Variants in PDE4D observed in about 807,000 individuals in gnomAD.
The protein encoded by PDE4D is 3',5'-cyclic-AMP phosphodiesterase 4D.
In PDE4D, 24 loss-of-function variants were observed where a neutral mutation model predicts 87.4. The observed-to-expected ratio is 0.27, with a 90% CI of 0.20 to 0.39. The LOEUF (loss-of-function observed/expected upper bound fraction) is 0.39, where lower values mean the gene tolerates loss of function less well. PDE4D is among the 10% of genes least tolerant of loss of function. PDE4D has a pLI of 1.00. For missense variants in PDE4D, 714 were observed against 1,041.0 expected, an observed-to-expected ratio of 0.69 and a Z score of 4.32; for synonymous variants, 384 against 383.2, an observed-to-expected ratio of 1.00 and a Z score of -0.02.
intron 1 of PDE4D, chr5:59,558,431 A>T (rs528912683): frequency 6.6e-6 from 1 of 152,260 alleles, no homozygotes; most frequent in Non-Finnish European, 1.5e-5. Flanking sequence ...GTAAAAGCAT[A>T]TCATTCTCTT....
intron 1 of PDE4D, among the ~76,000 whole-genome samples, chr5:59,247,105 T>C (rs899953848): frequency 2.0e-5 from 3 of 152,184 alleles, no homozygotes; most frequent in Non-Finnish European, 2.9e-5. Context: ...GTTGATCTCA[T>C]TTTATCTCAA....
At chr5:59,390,098 T>C (rs916503301) in intron 1 of PDE4D, among the ~76,000 whole-genome samples, 1 of 152,104 alleles carries the variant, frequency 6.6e-6, no homozygotes, top group African/African-American at 2.4e-5. Context: ...AAATATCACA[T>C]GTACCTCCTA....
intron 1 of PDE4D, among the ~76,000 whole-genome samples, chr5:60,203,190 C>T (rs1313897436): frequency 2.0e-5 from 3 of 152,110 alleles, no homozygotes; most frequent in Admixed American, 6.5e-5. Flanking sequence ...AGGCTGGTCT[C>T]GAACTCCTGA....
chr5:60,120,313 A>G (rs1012614933), intron 2 of PDE4D, among the ~76,000 whole-genome samples: 3 of 152,148 alleles, frequency 2.0e-5, no homozygotes, highest in Non-Finnish European at 4.4e-5. Context: ...TCCAGATAGG[A>G]GTTAGTTGCT....
chr5:59,650,097 A>G (rs965345264), intron 1 of PDE4D, among the ~76,000 whole-genome samples: 1 of 151,584 alleles, frequency 6.6e-6, no homozygotes, highest in Non-Finnish European at 1.5e-5. Context: ...AAATACAGGC[A>G]GGCTAATATT....
At chr5:59,699,288 C>A (rs935788536) in intron 1 of PDE4D, among the ~76,000 whole-genome samples, 2 of 152,060 alleles carry the variant, frequency 1.3e-5, no homozygotes, top group Non-Finnish European at 2.9e-5. Context: ...ATTTAACATA[C>A]TCAATGTGGC....
chr5:60,055,527 C>T (rs149057025), intron 2 of PDE4D, among the ~76,000 whole-genome samples: 12 of 152,172 alleles, frequency 7.9e-5, no homozygotes, highest in Middle Eastern at 3.4e-3. Flanking sequence ...ACTAAGCCTT[C>T]TACACAAAAT....
At chr5:59,872,581 T>C (rs1230431392) in intron 1 of PDE4D, among the ~76,000 whole-genome samples, 8 of 152,212 alleles carry the variant, frequency 5.3e-5, no homozygotes, top group Non-Finnish European at 1.0e-4. Context: ...TGCATAGTAA[T>C]GGTTCAATTG....
chr5:60,417,869 C>T (rs991339263), intron 1 of PDE4D, among the ~76,000 whole-genome samples: 2 of 150,692 alleles, frequency 1.3e-5, no homozygotes, highest in Non-Finnish European at 2.9e-5. Context: ...TTTAAATGGT[C>T]AGGGTTTAAA....
chr5:60,327,639 G>A (rs1756923053), intron 1 of PDE4D, among the ~76,000 whole-genome samples: 1 of 152,094 alleles, frequency 6.6e-6, no homozygotes, highest in Non-Finnish European at 1.5e-5. Context: ...GTGTATGTGC[G>A]AGCCAAAACA....
At chr5:58,996,581 A>G (rs1033696215) in intron 6 of PDE4D, among the ~76,000 whole-genome samples, 2 of 152,198 alleles carry the variant, frequency 1.3e-5, no homozygotes, top group African/African-American at 4.8e-5. Flanking sequence ...TCAATAAAGC[A>G]AAACAAGGGA....
chr5:59,236,847 A>G (rs1374175906), intron 1 of PDE4D, among the ~76,000 whole-genome samples: 1 of 152,116 alleles, frequency 6.6e-6, no homozygotes, highest in East Asian at 1.9e-4. Context: ...GGAAGAAGGA[A>G]TGAAGGAAGA....
intron 1 of PDE4D, among the ~76,000 whole-genome samples, chr5:59,449,011 T>C (rs1355000642): frequency 6.6e-6 from 1 of 152,178 alleles, no homozygotes; most frequent in African/African-American, 2.4e-5. Flanking sequence ...CATCCACATG[T>C]TGTCTTCTGA....
intron 2 of PDE4D, among the ~76,000 whole-genome samples, chr5:60,172,828 G>A (rs534111140): frequency 3.3e-5 from 5 of 152,080 alleles, no homozygotes; most frequent in South Asian, 4.2e-4. Context: ...AAGTACTGCC[G>A]CTCCCCAAAC....
rs373443025 is a variant in PDE4D, at chr5:60,300,767, CT to C, written c.-89-115081del. Among the ~76,000 whole-genome samples the C allele has an allele frequency of 1.2e-3, 182 of 145,678 alleles. 2 individuals are homozygous for C. Among genetic ancestry groups the C allele is most frequent in the African/African-American group, 3.7e-3 (149 of 39,972 alleles). On this transcript the variant is annotated intron_variant, in intron 1 of 16. Coordinates refer to the PDE4D transcript ENST00000502484. Reference sequence around the variant, plus strand: ...TCTTCCATTGGGCTATGTATCTGTTCTTTTTTTTTTTCTTTTTCTTTTTGAG... The same window carrying C: ...TCTTCCATTGGGCTATGTATCTGTTCTTTTTTTTTTCTTTTTCTTTTTGAG...
chr5:59,115,963 T>C lies in PDE4D; in HGVS notation c.808+64632A>G, dbSNP rs191699125. On this transcript the variant is annotated intron_variant, in intron 5 of 14. Transcript: ENST00000340635. ...TTTTGGTTGTTTAGATCCCCAACAATGTAAATCTCACAATCTTCTGGCAGA... is the reference window on the plus strand; with the variant it reads ...TTTTGGTTGTTTAGATCCCCAACAACGTAAATCTCACAATCTTCTGGCAGA... Among the ~76,000 whole-genome samples, 13 of 152,314 alleles carry C rather than the reference T, an allele frequency of 8.5e-5. No individual in the cohort carries two copies. The South Asian group carries it at 1.7e-3, about 19-fold the overall frequency.
Position 60,147,748 on chromosome 5 carries a change from A to G in PDE4D, c.42+37809T>C, listed in dbSNP as rs549252162. ...GAGAAGCACTTCTCGAGTCACTCAC[A>G]TGGTTGTTGACTTGTCTCAGTTCCT... On this transcript the variant is annotated intron_variant, in intron 2 of 16. Transcript: ENST00000502484. The G allele has an allele frequency of 1.4e-4, 63 of 455,544 alleles. No homozygotes were observed. In the East Asian group the frequency reaches 3.7e-3, roughly 27 times the overall value. The allele number at this position is 455,544 out of a possible 1,614,324, so 28.2% of individuals were successfully genotyped here.
intron 1 of PDE4D, among the ~76,000 whole-genome samples, chr5:60,251,048 AT>A (rs1180811316): frequency 6.6e-6 from 1 of 151,962 alleles, no homozygotes; most frequent in African/African-American, 2.4e-5. Flanking sequence ...ATAACTAGAC[AT>A]TTTTTAATAA....
Position 60,355,490 on chromosome 5 carries a change from G to A in PDE4D, c.-90+132452C>T, listed in dbSNP as rs147261965. On this transcript the variant is annotated intron_variant, in intron 1 of 16. Transcript: ENST00000502484. Reference sequence around the variant, plus strand: ...ATTGACCTCTAAGTTCCTTGAACCAGTCCAGGAATAGAGAATCTTTCCAGA... The same window carrying A: ...ATTGACCTCTAAGTTCCTTGAACCAATCCAGGAATAGAGAATCTTTCCAGA... Among the ~76,000 whole-genome samples, 387 of 152,202 alleles carry A rather than the reference G, an allele frequency of 2.5e-3. 2 individuals carry two copies. The highest frequency in any genetic ancestry group is 0.017 in the Middle Eastern group (5 of 294).
Sources: gnomAD v4.1 joint callset for allele counts (sites outside exome capture counted in the v4.1 genomes callset) on GRCh38, gnomAD v4.1.1 for gene constraint, MANE v1.5 for transcripts, NCBI Gene and HGNC (gene_info 2026-07-23, HGNC 2026-07-21) for gene names.